CUL2: variants seen among roughly 807,000 people sequenced by gnomAD.
CUL2 encodes cullin 2, also known as cullin-2.
In CUL2, 22 loss-of-function variants were observed where a neutral mutation model predicts 110.2. That is an observed-to-expected ratio of 0.20 (90% CI 0.14 to 0.28). The LOEUF is 0.28. Ranked by LOEUF, CUL2 falls within the 10% of genes least tolerant of loss-of-function variation. CUL2 has a pLI of 1.00. For missense variants in CUL2, 631 were observed against 905.5 expected (o/e 0.70, Z 3.89); for synonymous variants, 279 against 293.2 (o/e 0.95, Z 0.49).
chr10:35,121,826 A>T (rs2087682180), intron 1 of CUL2, among the ~76,000 whole-genome samples: 1 of 151,760 alleles, frequency 6.6e-6, no homozygotes, highest in South Asian at 2.1e-4. Context: ...AAAAAAAAAA[A>T]TAAAAATTAG....
intron 1 of CUL2, among the ~76,000 whole-genome samples, chr10:35,089,553 A>T (rs547086246): frequency 2.2e-4 from 33 of 152,328 alleles, no homozygotes; most frequent in African/African-American, 7.9e-4. Flanking sequence ...TCCATGGGGC[A>T]AAGATGTGGA....
chr10:35,013,628 T>G, intron 19 of CUL2, 71 bp downstream of exon 19: 1 of 980,406 alleles, frequency 1.0e-6, no homozygotes, highest in East Asian at 2.7e-5. Context: ...ACAATCTCAA[T>G]GTAAACACTT....
intron 1 of CUL2, 93 bp from the exon 2 acceptor site, chr10:35,071,432 T>C: frequency 8.9e-7 from 1 of 1,120,994 alleles, no homozygotes; most frequent in Non-Finnish European, 1.3e-6. Flanking sequence ...TGAGACGGAG[T>C]CTCGCTCTGT....
At chr10:35,094,197 A>C (rs955602990), upstream of CUL2, among the ~76,000 whole-genome samples, 6 of 151,984 alleles carry the variant, frequency 3.9e-5, no homozygotes, top group African/African-American at 7.2e-5. Flanking sequence ...AATACAATAG[A>C]TATAACCCAC....
chr10:35,110,855 C>CGGATATG (rs1283656973), intron 1 of CUL2, among the ~76,000 whole-genome samples: 4 of 152,064 alleles, frequency 2.6e-5, no homozygotes, highest in African/African-American at 9.7e-5. Context: ...CTTTAATGAC[C>CGGATATG]TAATCTCCGG....
At chr10:35,100,504 G>A (rs967168290) in intron 2 of CUL2, among the ~76,000 whole-genome samples, 2 of 152,010 alleles carry the variant, frequency 1.3e-5, no homozygotes, top group Non-Finnish European at 2.9e-5. Flanking sequence ...GCTCATGCCT[G>A]TAATCCCAGC....
intron 17 of CUL2, among the ~76,000 whole-genome samples, chr10:35,020,842 C>T (rs561233277): frequency 7.2e-5 from 11 of 152,276 alleles, no homozygotes; most frequent in African/African-American, 2.6e-4. Context: ...GGATTTTTCT[C>T]ACTCTGTCAC....
intron 6 of CUL2, among the ~76,000 whole-genome samples, chr10:35,047,002 T>C (rs1051502395): frequency 1.6e-4 from 25 of 152,120 alleles, no homozygotes; most frequent in Non-Finnish European, 3.1e-4. Context: ...AACTCTACCA[T>C]TGGGTAACTA....
At chr10:35,069,066 G>A (rs776554866) in intron 2 of CUL2, among the ~76,000 whole-genome samples, 16 of 152,016 alleles carry the variant, frequency 1.1e-4, no homozygotes, top group African/African-American at 3.1e-4. Flanking sequence ...ACGAGGTTTC[G>A]CCATGTTGGT....
intron 1 of CUL2, among the ~76,000 whole-genome samples, chr10:35,122,641 T>C (rs933184943): frequency 6.6e-6 from 1 of 151,718 alleles, no homozygotes; most frequent in Non-Finnish European, 1.5e-5. Flanking sequence ...TTTTATTTTA[T>C]TTATTTATTT....
At position 35,010,166 on chromosome 10, in the gene CUL2, C is replaced by T. The variant is rs2084863991; in HGVS notation, c.*145G>A. ...TAGGCATTTTCTTTGACGCTCATGA[C>T]GTGGCACTGGTGATGTTGTAAACAG... On this transcript the variant is annotated 3_prime_UTR_variant, in exon 21 of 21. Transcript: ENST00000374749. The T allele has an allele frequency of 9.9e-6, 6 of 603,060 alleles. No homozygotes were observed. In the South Asian group the frequency reaches 1.5e-4, roughly 15 times the overall value. 37.4% of individuals were successfully genotyped at this position (603,060 alleles called of 1,614,324 possible).
intron 1 of CUL2, among the ~76,000 whole-genome samples, chr10:35,104,205 C>G (rs2243807): frequency 1 from 151,742 of 152,346 alleles, 75,574 homozygotes; most frequent in Middle Eastern, 1. Context: ...CCAGCACTTA[C>G]GGATGCCGAG....
chr10:35,045,710 C>A (rs2085921650), intron 6 of CUL2, among the ~76,000 whole-genome samples: 1 of 151,836 alleles, frequency 6.6e-6, no homozygotes. Flanking sequence ...GAGCAAGACC[C>A]TGTCTCAAAA....
chr10:35,082,015 G>C (rs78136174), intron 1 of CUL2, among the ~76,000 whole-genome samples: 3 of 151,912 alleles, frequency 2.0e-5, no homozygotes, highest in Non-Finnish European at 4.4e-5. Context: ...ATCCCAAAGA[G>C]AGCCAGTGAG....
At chr10:35,056,580 A>G (rs1441631897) in intron 4 of CUL2, among the ~76,000 whole-genome samples, 2 of 152,138 alleles carry the variant, frequency 1.3e-5, no homozygotes, top group Admixed American at 6.5e-5. Context: ...GGCTGAGGGT[A>G]TATCGTGTGC....
Position 35,071,254 on chromosome 10 carries a change from T to C in CUL2, c.64A>G (p.Lys22Glu), listed in dbSNP as rs764121990. Residue 22 changes from lysine (K) to glutamate (E), a missense_variant, in exon 2 of 21, where the codon AAA (lysine) becomes GAA (glutamate). Around this residue, in one of 3 missense-constraint regions of CUL2, gnomAD observed 338 missense variants for 442.5 expected, o/e 0.76. Coordinates refer to ENST00000374749, the MANE Select transcript of CUL2 (RefSeq NM_003591.4). Reference protein sequence around the residue: ...ETWNKLLTTIKAVVMLEYVER... With the variant: ...ETWNKLLTTIEAVVMLEYVER... The stretch of plus-strand genomic sequence containing the variant: ...ACGTATTCCAACATGACCACGGCTT[T>C]TATTGTCGTCAAAAGTTTGTTCCAT... 1.2e-6 allele frequency: 2 copies of C among 1,614,164 alleles called. No individual in the cohort carries two copies. Among genetic ancestry groups the C allele is most frequent in the South Asian group, 1.1e-5 (1 of 91,078 alleles).
chr10:35,022,686 C>G (rs1472801432), intron 17 of CUL2, among the ~76,000 whole-genome samples: 3 of 152,018 alleles, frequency 2.0e-5, no homozygotes, highest in African/African-American at 7.3e-5. Flanking sequence ...CAGTTAGGAC[C>G]AGTAAGTTCT....
At chr10:35,111,724 C>T (rs2087526254) in intron 1 of CUL2, among the ~76,000 whole-genome samples, 1 of 152,134 alleles carries the variant, frequency 6.6e-6, no homozygotes, top group African/African-American at 2.4e-5. Context: ...CTGGTCTCTA[C>T]TAAAAGTGAA....
At chr10:35,070,417 A>G (rs1222159091) in intron 2 of CUL2, among the ~76,000 whole-genome samples, 2 of 152,182 alleles carry the variant, frequency 1.3e-5, no homozygotes, top group African/African-American at 4.8e-5. Context: ...CTGAACTACT[A>G]TCTTATGAAA....
Sources: gnomAD v4.1 joint callset for allele counts (sites outside exome capture counted in the v4.1 genomes callset) on GRCh38, gnomAD v4.1.1 for gene constraint, gnomAD v4.1.1 regional missense constraint, MANE v1.5 for transcripts, NCBI Gene and HGNC (gene_info 2026-07-23, HGNC 2026-07-21) for gene names.